Variants in ABLIM1 observed in about 807,000 individuals in gnomAD.
The protein encoded by ABLIM1 is actin binding LIM protein 1.
Under a neutral mutation model 107.0 loss-of-function variants are expected in ABLIM1, and 40 were observed. The observed-to-expected ratio is 0.37, with a 90% CI of 0.29 to 0.49. The LOEUF (loss-of-function observed/expected upper bound fraction) is 0.49. Ranked by LOEUF, ABLIM1 falls within the 20% of genes least tolerant of loss-of-function variation. The pLI is 0.97. For synonymous variants in ABLIM1, 357 were observed against 357.3 expected, an observed-to-expected ratio of 1.00 and a Z score of 0.01; for missense variants, 857 against 1,008.5, an observed-to-expected ratio of 0.85 and a Z score of 2.04.
intron 1 of ABLIM1, among the ~76,000 whole-genome samples, chr10:114,675,409 T>A (rs993238044): frequency 2.0e-5 from 3 of 152,130 alleles, no homozygotes; most frequent in African/African-American, 7.2e-5. Context: ...ATCTGATGGT[T>A]TTATAAAGGG....
intron 8 of ABLIM1, among the ~76,000 whole-genome samples, chr10:114,479,843 A>G (rs969276811): frequency 6.6e-6 from 1 of 152,240 alleles, no homozygotes; most frequent in Non-Finnish European, 1.5e-5. Flanking sequence ...AATTCCAAAC[A>G]TGTTGAATTT....
chr10:114,685,288 G>A (rs948763052), upstream of ABLIM1, among the ~76,000 whole-genome samples: 11 of 152,138 alleles, frequency 7.2e-5, no homozygotes, highest in African/African-American at 2.7e-4. Flanking sequence ...CTAAGAAATA[G>A]GAGGAAACTG....
At chr10:114,687,800 T>A (rs1354737989), upstream of ABLIM1, among the ~76,000 whole-genome samples, 1 of 152,218 alleles carries the variant, frequency 6.6e-6, no homozygotes, top group Non-Finnish European at 1.5e-5. Context: ...TGAAAAATGA[T>A]TCCTTTGGGA....
intron 1 of ABLIM1, among the ~76,000 whole-genome samples, chr10:114,711,029 C>G (rs540571427): frequency 3.9e-5 from 6 of 152,314 alleles, no homozygotes; most frequent in Admixed American, 6.5e-5. Context: ...AAGGCCACTC[C>G]ATGACTAGGA....
chr10:114,524,202 G>A (rs1168126817), intron 6 of ABLIM1, among the ~76,000 whole-genome samples: 2 of 152,244 alleles, frequency 1.3e-5, no homozygotes, highest in East Asian at 1.9e-4. Context: ...TGGAAGTCAC[G>A]GTGCTCAGTG....
At chr10:114,662,726 C>T (rs1255113121), upstream of ABLIM1, among the ~76,000 whole-genome samples, 3 of 152,210 alleles carry the variant, frequency 2.0e-5, no homozygotes, top group African/African-American at 2.4e-5. Context: ...CATATCTTCT[C>T]CATTAATAAT....
upstream of ABLIM1, chr10:114,658,289 C>A: frequency 6.6e-7 from 1 of 1,513,676 alleles, no homozygotes; most frequent in Non-Finnish European, 8.8e-7. Flanking sequence ...CCCCTGGCTC[C>A]TTACTGTCTC....
intron 6 of ABLIM1, among the ~76,000 whole-genome samples, chr10:114,505,862 T>C (rs987858952): frequency 1.1e-4 from 16 of 152,224 alleles, no homozygotes; most frequent in South Asian, 2.1e-4. Context: ...AAGGTCTTGT[T>C]TTCTCTTGAC....
chr10:114,443,991 G>A, intron 17 of ABLIM1, 38 bp downstream of exon 17: 1 of 1,536,738 alleles, frequency 6.5e-7, no homozygotes, highest in South Asian at 1.2e-5. Context: ...CAGGTGGCTG[G>A]CTCTCGAATC....
At chr10:114,657,856 C>T (rs1328540519) in intron 1 of ABLIM1, 101 bp downstream of exon 1, 1 of 1,025,932 alleles carries the variant, frequency 9.7e-7, no homozygotes, top group Non-Finnish European at 1.4e-6. Flanking sequence ...ATAGTGTTTC[C>T]TTTGAAGAAC....
intron 1 of ABLIM1, chr10:114,764,879 C>T (rs923125862): frequency 6.6e-6 from 1 of 152,282 alleles, no homozygotes; most frequent in Non-Finnish European, 1.5e-5. Flanking sequence ...GCTGACCTCC[C>T]ACAAGGCCCC....
rs540126001 is a variant in ABLIM1, at chr10:114,498,255, T to C, written c.895-6377A>G. ...AGTCCTCTTCAGCTGTAAAATTCTA[T>C]GTTTCGGTGTGAAATCCCATACCCT... On this transcript the variant is annotated intron_variant, in intron 6 of 22. Coordinates refer to ENST00000533213, the MANE Select transcript of ABLIM1 (RefSeq NM_002313.7). Among the ~76,000 whole-genome samples, 7 of 152,346 alleles carry C rather than the reference T, an allele frequency of 4.6e-5. No homozygotes were observed. In the South Asian group the frequency reaches 1.0e-3, roughly 23 times the overall value.
chr10:114,453,614 C>T (rs2062262212), intron 12 of ABLIM1, 131 bp from the exon 13 acceptor site: 2 of 773,618 alleles, frequency 2.6e-6, no homozygotes, highest in South Asian at 4.1e-5. Flanking sequence ...ACAAAAGAAA[C>T]AAACTCAATT....
intron 1 of ABLIM1, among the ~76,000 whole-genome samples, chr10:114,657,000 C>T (rs1213892414): frequency 1.3e-5 from 2 of 152,158 alleles, no homozygotes; most frequent in East Asian, 3.8e-4. Context: ...ATATATGTAA[C>T]ATATCAGTTG....
At chr10:114,780,862 G>A in the ABLIM1 span, among the ~76,000 whole-genome samples, 3 of 152,192 alleles carry the variant, frequency 2.0e-5, no homozygotes, top group African/African-American at 4.8e-5. Flanking sequence ...AAGGTTAAAA[G>A]ATCATGGAGT....
At chr10:114,690,332 A>G in intron 1 of ABLIM1, 2 of 1,602,388 alleles carry the variant, frequency 1.2e-6, no homozygotes, top group Non-Finnish European at 1.7e-6. Flanking sequence ...TGTTGGGTCC[A>G]GCATTTGCCA....
chr10:114,617,419 G>T (rs899880850), intron 1 of ABLIM1, among the ~76,000 whole-genome samples: 1 of 151,912 alleles, frequency 6.6e-6, no homozygotes, highest in East Asian at 1.9e-4. Context: ...GTGCCAACAC[G>T]TTTGGCTAAT....
At chr10:114,585,619 C>T (rs1364731962) in intron 2 of ABLIM1, among the ~76,000 whole-genome samples, 2 of 152,094 alleles carry the variant, frequency 1.3e-5, no homozygotes, top group Non-Finnish European at 2.9e-5. Flanking sequence ...CATGTAAGCC[C>T]CCCACATCTT....
In ABLIM1 at chr10:114,629,974, T is replaced by C. The variant is rs1374589521; in HGVS notation, c.244+27983A>G. On this transcript the variant is annotated intron_variant, in intron 1 of 22. Coordinates refer to ENST00000533213, the MANE Select transcript of ABLIM1 (RefSeq NM_002313.7). This position sits in a 1 kb window ranked among gnomAD's most constrained non-coding sequence, Gnocchi z 4.0. ...CAAAATAAAACAGAACAGCCTTTAA[T>C]CAGTGTCTAAGGGTTAAGATAATAC... Among the ~76,000 whole-genome samples the C allele has an allele frequency of 1.3e-5, 2 of 152,236 alleles. No homozygotes were observed. Among genetic ancestry groups the C allele is most frequent in the Middle Eastern group, 3.4e-3 (1 of 294 alleles).
Sources: gnomAD v4.1 joint callset for allele counts (sites outside exome capture counted in the v4.1 genomes callset) on GRCh38, gnomAD v4.1.1 for gene constraint, Gnocchi (gnomAD v3.1) non-coding constraint, MANE v1.5 for transcripts, NCBI Gene and HGNC (gene_info 2026-07-23, HGNC 2026-07-21) for gene names.